Variants in SLC25A37 observed in about 807,000 individuals in gnomAD.
The protein encoded by SLC25A37 is solute carrier family 25 member 37.
A neutral mutation model predicts 31.0 loss-of-function variants in SLC25A37; 17 were observed. The observed-to-expected ratio is 0.55, with a 90% CI of 0.38 to 0.82. The LOEUF (loss-of-function observed/expected upper bound fraction) is 0.82. Among genes scored for constraint, SLC25A37 ranks in the 40% least tolerant of loss-of-function variants. SLC25A37 has a pLI of 0.00. For synonymous variants in SLC25A37, 222 were observed against 193.0 expected (o/e 1.15, Z -1.24); for missense variants, 404 against 465.8 (o/e 0.87, Z 1.22).
Position 23,573,825 on chromosome 8 carries a change from C to T in SLC25A37, c.*1970C>T, listed in dbSNP as rs1308254425. 6 of 456,594 alleles carry T rather than the reference C, an allele frequency of 1.3e-5. No homozygotes were observed. Among genetic ancestry groups the T allele is most frequent in the Non-Finnish European group, 2.6e-5 (6 of 226,972 alleles). The allele number at this position is 456,594 out of a possible 1,614,324, so 28.3% of individuals were successfully genotyped here. ...AGTTAACGCCTTCTCCCTGCTCTGCCCCCCACTCCCCAAAACCAGTTGCAG... is the reference window on the plus strand; with the variant it reads ...AGTTAACGCCTTCTCCCTGCTCTGCTCCCCACTCCCCAAAACCAGTTGCAG... On this transcript the variant is annotated 3_prime_UTR_variant, in exon 4 of 4. Coordinates refer to ENST00000519973, the MANE Select transcript of SLC25A37 (RefSeq NM_016612.4).
At chr8:23,570,568 C>G (rs1347366744) in intron 3 of SLC25A37, among the ~76,000 whole-genome samples, 1 of 152,142 alleles carries the variant, frequency 6.6e-6, no homozygotes, top group African/African-American at 2.4e-5. Flanking sequence ...TAGTTAACTT[C>G]GTGTAACCAA....
chr8:23,571,024 G>C (rs1014053555), intron 3 of SLC25A37, among the ~76,000 whole-genome samples: 5 of 152,196 alleles, frequency 3.3e-5, no homozygotes, highest in Non-Finnish European at 7.3e-5. Context: ...AAACAGATCA[G>C]CGACTCTAGT....
intron 3 of SLC25A37, among the ~76,000 whole-genome samples, chr8:23,569,468 C>G (rs1185928035): frequency 6.6e-6 from 1 of 151,874 alleles, no homozygotes; most frequent in Non-Finnish European, 1.5e-5. Context: ...CGATCCTAGA[C>G]AAATGTATGG....
intron 3 of SLC25A37, among the ~76,000 whole-genome samples, chr8:23,570,103 T>C (rs910378693): frequency 5.9e-5 from 9 of 152,112 alleles, no homozygotes; most frequent in Non-Finnish European, 8.8e-5. Context: ...GGAGTCTCTG[T>C]GGTCTGGGTG....
At position 23,561,007 on chromosome 8, in the gene SLC25A37, T is replaced by C. The variant is rs143423968; in HGVS notation, c.211-5101T>C. Among the ~76,000 whole-genome samples the C allele has an allele frequency of 2.4e-4, 37 of 152,316 alleles. No individual in the cohort carries two copies. In the East Asian group the frequency reaches 6.4e-3, roughly 26 times the overall value. On this transcript the variant is annotated intron_variant, in intron 1 of 3. Coordinates refer to ENST00000519973, the MANE Select transcript of SLC25A37 (RefSeq NM_016612.4). ...GCACTTAGTGAATCTGCATTTTACA[T>C]GTGAAAAGAAGGGAGTTGGGGAAAG...
rs567549427 is a variant in SLC25A37, at chr8:23,532,302, C to T, written c.210+3090C>T. Among the ~76,000 whole-genome samples, 8 of 152,248 alleles carry T rather than the reference C, an allele frequency of 5.3e-5. No homozygotes were observed. The South Asian group carries it at 1.7e-3, about 32-fold the overall frequency. On this transcript the variant is annotated intron_variant, in intron 1 of 3. Transcript: ENST00000519973. ...ATGACAGTGAGCAGCAAAGTGATAC[C>T]CAGGGAGGGAGTATAGGGTCTCTGC...
Position 23,546,620 on chromosome 8 carries a change from G to GTA in SLC25A37, c.210+17422_210+17423dup, listed in dbSNP as rs1252606595. Among the ~76,000 whole-genome samples the GTA allele has an allele frequency of 1.9e-3, 255 of 133,542 alleles. 3 individuals carry two copies. Among genetic ancestry groups the GTA allele is most frequent in the African/African-American group, 4.7e-3 (168 of 36,070 alleles). 87.6% of individuals were successfully genotyped at this position (133,542 alleles called of 152,430 possible). A position where few individuals can be genotyped will look rare whatever the true frequency, so the allele number is the denominator to read the frequency against. ...ATAGTGTATGTGTGTGTGTGTGTGT[G>GTA]TATATATATATATATTTGGGCCAGG... is the stretch of plus-strand genomic sequence containing the variant. On this transcript the variant is annotated intron_variant, in intron 1 of 3. Coordinates refer to ENST00000519973, the MANE Select transcript of SLC25A37 (RefSeq NM_016612.4).
rs555215524 is a variant in SLC25A37, at chr8:23,539,292, G to A, written c.210+10080G>A. ...TTGTGTCACTGAGGGAACTTCTTCC[G>A]GGTCCACCGAGCCTCTGGATCCATT... On this transcript the variant is annotated intron_variant, in intron 1 of 3. Coordinates refer to ENST00000519973, the MANE Select transcript of SLC25A37 (RefSeq NM_016612.4). Among the ~76,000 whole-genome samples, 21 of 152,264 alleles carry A rather than the reference G, an allele frequency of 1.4e-4. No homozygotes were observed. In the South Asian group the frequency reaches 1.9e-3, roughly 14 times the overall value.
At chr8:23,564,730 TC>T in intron 1 of SLC25A37, among the ~76,000 whole-genome samples, 4 of 152,084 alleles carry the variant, frequency 2.6e-5, no homozygotes, top group Non-Finnish European at 5.9e-5. Context: ...CTTCCTTGGG[TC>T]CTAGCAGACA....
At chr8:23,564,409 A>G (rs1802595614) in intron 1 of SLC25A37, among the ~76,000 whole-genome samples, 1 of 149,188 alleles carries the variant, frequency 6.7e-6, no homozygotes, top group African/African-American at 2.5e-5. Flanking sequence ...TTGTTTGGAG[A>G]TAAAAGGATA....
In SLC25A37 at chr8:23,575,177, A is replaced by T. The variant is rs543403401; in HGVS notation, c.*3322A>T. The T allele has an allele frequency of 6.6e-6, 1 of 152,174 alleles. No homozygotes were observed. The highest frequency in any genetic ancestry group is 1.5e-5 in the Non-Finnish European group (1 of 68,026). 9.4% of individuals were successfully genotyped at this position (152,174 alleles called of 1,614,324 possible). Reference sequence around the variant, plus strand: ...AAAGCTGCATCTCCAACACATTGTTATGCCAATAAGGTTTTATTTAACTTT... The same window carrying T: ...AAAGCTGCATCTCCAACACATTGTTTTGCCAATAAGGTTTTATTTAACTTT... On this transcript the variant is annotated 3_prime_UTR_variant, in exon 4 of 4. Coordinates refer to ENST00000519973, the MANE Select transcript of SLC25A37 (RefSeq NM_016612.4).
At chr8:23,564,701 C>T (rs565380162) in intron 1 of SLC25A37, among the ~76,000 whole-genome samples, 1 of 152,250 alleles carries the variant, frequency 6.6e-6, no homozygotes, top group South Asian at 2.1e-4. Context: ...GTTTGTAAGA[C>T]CAGCCTTTGG....
intron 1 of SLC25A37, among the ~76,000 whole-genome samples, chr8:23,555,836 C>G (rs758256895): frequency 7.2e-5 from 11 of 152,340 alleles, no homozygotes; most frequent in South Asian, 2.1e-4. Flanking sequence ...CTTTCTCCCC[C>G]CTCCAACATC....
intron 1 of SLC25A37, among the ~76,000 whole-genome samples, chr8:23,544,091 C>A (rs1801972900): frequency 6.6e-6 from 1 of 152,042 alleles, no homozygotes; most frequent in East Asian, 1.9e-4. Flanking sequence ...AACTCCCAAC[C>A]TCAAGTGATC....
chr8:23,553,452 AC>A (rs1044949043), intron 1 of SLC25A37, among the ~76,000 whole-genome samples: 7 of 150,234 alleles, frequency 4.7e-5, no homozygotes, highest in African/African-American at 1.5e-4. Context: ...CAAAAAAAAA[AC>A]CAACAATTTT....
At position 23,550,671 on chromosome 8, in the gene SLC25A37, G is replaced by A. The variant is rs140149084; in HGVS notation, c.211-15437G>A. ...GATTGTGCAGTTGCTGAGGGATTGG[G>A]TGGCAGAGCTGGACAGAATTTAGGT... On this transcript the variant is annotated intron_variant, in intron 1 of 3. Transcript: ENST00000519973. Among the ~76,000 whole-genome samples, 345 of 152,350 alleles carry A rather than the reference G, an allele frequency of 2.3e-3. 1 individual carries two copies. The highest frequency in any genetic ancestry group is 7.9e-3 in the African/African-American group (328 of 41,578).
rs1222370754 is a variant in SLC25A37, at chr8:23,529,481, G to T, written c.210+269G>T. Among the ~76,000 whole-genome samples the T allele has an allele frequency of 6.6e-6, 1 of 151,924 alleles. No homozygotes were observed. The highest frequency in any genetic ancestry group is 6.6e-5 in the Admixed American group (1 of 15,256). ...CCGGCTGCTGGCGGCGCTGAGGCGG[G>T]GGAGGCGGAGTGGCGAGCACCGCTG... On this transcript the variant is annotated intron_variant, in intron 1 of 3. Transcript: ENST00000519973. This position sits in a 1 kb window ranked among gnomAD's most constrained non-coding sequence, Gnocchi z 4.1.
chr8:23,535,978 A>G (rs1180893449), intron 1 of SLC25A37, among the ~76,000 whole-genome samples: 2 of 152,174 alleles, frequency 1.3e-5, no homozygotes, highest in South Asian at 2.1e-4. Context: ...CAGCCAAACC[A>G]TATCAAATAC....
rs764889988 is a variant in SLC25A37, at chr8:23,570,462, A to G, written c.497-873A>G. Among the ~76,000 whole-genome samples, 19 of 152,262 alleles carry G rather than the reference A, an allele frequency of 1.2e-4. 1 individual carries two copies. The highest frequency in any genetic ancestry group is 6.2e-4 in the South Asian group (3 of 4,820). ...CCCTTCTAGGAAGTAGTTCAATGAAAAACCTAAAAATGCCCAAATAAACAT... is the reference window on the plus strand; with the variant it reads ...CCCTTCTAGGAAGTAGTTCAATGAAGAACCTAAAAATGCCCAAATAAACAT... On this transcript the variant is annotated intron_variant, in intron 3 of 3. Transcript: ENST00000519973.
Sources: allele counts gnomAD v4.1 joint callset (sites outside exome capture counted in the v4.1 genomes callset), GRCh38; gene constraint gnomAD v4.1.1; non-coding constraint Gnocchi (gnomAD v3.1); transcripts MANE v1.5; gene names NCBI Gene and HGNC (gene_info 2026-07-23, HGNC 2026-07-21).